SMCHD1: variants seen among roughly 807,000 people sequenced by gnomAD.
SMCHD1 encodes structural maintenance of chromosomes flexible hinge domain-containing protein 1.
A neutral mutation model predicts 254.7 loss-of-function variants in SMCHD1; 78 were observed. The observed-to-expected ratio is 0.31, with a 90% CI of 0.26 to 0.37. The LOEUF is 0.37. Among genes scored for constraint, SMCHD1 ranks in the 10% least tolerant of loss-of-function variants. SMCHD1 has a pLI of 1.00. For missense variants in SMCHD1, 1,840 were observed against 2,408.1 expected, an observed-to-expected ratio of 0.76 and a Z score of 4.94; for synonymous variants, 766 against 794.9, an observed-to-expected ratio of 0.96 and a Z score of 0.61.
chr18:2,662,693 G>A lies in SMCHD1; in HGVS notation c.187-3464G>A, dbSNP rs62084177. 4.2e-3 allele frequency among the ~76,000 whole-genome samples: 575 copies of A among 135,598 alleles called. 3 individuals carry two copies. Among genetic ancestry groups the A allele is most frequent in the African/African-American group, 0.016 (544 of 33,638 alleles). 89.0% of individuals were successfully genotyped at this position (135,598 alleles called of 152,430 possible). ...AAAAAAAAAAAAAAAAAAAAAAAGG[G>A]ACATCATAGAAATAAAAAAGTAGTA... On this transcript the variant is annotated intron_variant, in intron 1 of 47. Coordinates refer to ENST00000320876, the MANE Select transcript of SMCHD1 (RefSeq NM_015295.3).
At chr18:2,743,556 A>G (rs1298974497) in intron 28 of SMCHD1, among the ~76,000 whole-genome samples, 3 of 152,174 alleles carry the variant, frequency 2.0e-5, no homozygotes, top group Non-Finnish European at 4.4e-5. Context: ...TAGATCCCCT[A>G]CCCCTTGAAA....
At chr18:2,719,935 A>G (rs924581583) in intron 19 of SMCHD1, among the ~76,000 whole-genome samples, 28 of 152,206 alleles carry the variant, frequency 1.8e-4, no homozygotes, top group African/African-American at 6.5e-4. Context: ...TCGGCCTCCC[A>G]AAGTGCTGGG....
At chr18:2,798,099 T>G (rs1289490791) in intron 47 of SMCHD1, among the ~76,000 whole-genome samples, 1 of 152,060 alleles carries the variant, frequency 6.6e-6, no homozygotes, top group Non-Finnish European at 1.5e-5. Context: ...TCTAAGAAAA[T>G]AACAGGTGTG....
intron 13 of SMCHD1, among the ~76,000 whole-genome samples, chr18:2,704,245 AT>A (rs1568184782): frequency 6.6e-6 from 1 of 152,192 alleles, no homozygotes; most frequent in African/African-American, 2.4e-5. Context: ...TTATTATAGC[AT>A]TAAAAAAACT....
At chr18:2,722,274 C>CA (rs1386911188) in intron 19 of SMCHD1, among the ~76,000 whole-genome samples, 1 of 152,090 alleles carries the variant, frequency 6.6e-6, no homozygotes, top group African/African-American at 2.4e-5. Flanking sequence ...CCTGCCGCTA[C>CA]AAAAAATACA....
intron 5 of SMCHD1, among the ~76,000 whole-genome samples, chr18:2,675,735 A>C (rs560966204): frequency 6.6e-6 from 1 of 152,346 alleles, no homozygotes; most frequent in South Asian, 2.1e-4. Flanking sequence ...ATGGTAGATT[A>C]GGCAAAATGG....
At chr18:2,793,507 CA>C (rs981311102) in intron 45 of SMCHD1, among the ~76,000 whole-genome samples, 1 of 151,150 alleles carries the variant, frequency 6.6e-6, no homozygotes. Flanking sequence ...ACTAAAAATA[CA>C]AAAAAAATCA....
At chr18:2,752,379 A>C in intron 33 of SMCHD1, 109 bp from the exon 34 acceptor site, 1 of 711,770 alleles carries the variant, frequency 1.4e-6, no homozygotes, top group East Asian at 2.6e-5. Flanking sequence ...TTATAAATGG[A>C]ATCCAGATAC....
At chr18:2,754,934 A>G (rs190000380) in intron 34 of SMCHD1, among the ~76,000 whole-genome samples, 10 of 152,084 alleles carry the variant, frequency 6.6e-5, no homozygotes. Flanking sequence ...TCCATCGTAA[A>G]TGATATCTCC....
chr18:2,714,543 C>G (rs1305880685), intron 17 of SMCHD1, among the ~76,000 whole-genome samples: 2 of 151,686 alleles, frequency 1.3e-5, no homozygotes, highest in African/African-American at 4.8e-5. Context: ...TAGATCCTTT[C>G]TTTTTTTCCC....
chr18:2,707,523 A>G, intron 15 of SMCHD1, 40 bp from the exon 16 acceptor site: 1 of 1,241,270 alleles, frequency 8.1e-7, no homozygotes, highest in Non-Finnish European at 1.2e-6. Flanking sequence ...ATCATAATTA[A>G]CAAAGTTTGT....
At chr18:2,759,571 C>CTCTTTTT (rs1204847128) in intron 34 of SMCHD1, among the ~76,000 whole-genome samples, 2 of 69,518 alleles carry the variant, frequency 2.9e-5, no homozygotes, top group East Asian at 1.2e-3. Flanking sequence ...TTAATTCTCT[C>CTCTTTTT]TTTTTTTTTT....
Position 2,766,279 on chromosome 18 carries a change from C to T in SMCHD1, c.4719+2490C>T, listed in dbSNP as rs1341484381. On this transcript the variant is annotated intron_variant, in intron 37 of 47. Transcript: ENST00000320876. ...AAGTGCTGGGATTACAGGCGTGAGC[C>T]GCCGTGCCCGGCCTGTCTCCAGTTT... Among the ~76,000 whole-genome samples the T allele has an allele frequency of 3.3e-5, 5 of 152,346 alleles. No homozygotes were observed. The East Asian group carries it at 7.7e-4, about 24-fold the overall frequency.
chr18:2,802,552 A>T lies in SMCHD1; in HGVS notation c.6018A>T (p.Ter2006CysextTer12). ...QNRIITKTDV[*>C] The stretch of plus-strand genomic sequence containing the variant: ...GGATTATAACCAAAACAGATGTATG[A>T]GAGGTGACAGAGAGAAGAGGCCATT... The change falls in exon 48 of 48, where the codon TGA (stop) becomes TGT (cysteine). Residue 2006 changes from the stop codon to cysteine (C), a stop_lost. Transcript: ENST00000320876. The T allele has an allele frequency of 1.3e-6, 2 of 1,552,674 alleles. No homozygotes were observed. The highest frequency in any genetic ancestry group is 4.8e-5 in the East Asian group (2 of 41,320).
chr18:2,708,869 T>TAC (rs2074585041), intron 17 of SMCHD1, among the ~76,000 whole-genome samples: 3 of 14,412 alleles, frequency 2.1e-4, no homozygotes, highest in African/African-American at 4.7e-4. Context: ...AATAACTTCA[T>TAC]ATATATATAT....
chr18:2,661,884 C>T (rs890760637), intron 1 of SMCHD1, among the ~76,000 whole-genome samples: 6 of 151,948 alleles, frequency 3.9e-5, no homozygotes, highest in Non-Finnish European at 5.9e-5. Context: ...AGGCCGGGCG[C>T]GGTGGCTCAC....
At chr18:2,798,935 A>G (rs780396997) in intron 47 of SMCHD1, among the ~76,000 whole-genome samples, 4 of 152,212 alleles carry the variant, frequency 2.6e-5, no homozygotes, top group Non-Finnish European at 4.4e-5. Flanking sequence ...TAGACCTTCC[A>G]GTTACTACAG....
rs2075600449 is a variant in SMCHD1, at chr18:2,752,825, C to T, written c.4346+273C>T. The T allele has an allele frequency of 5.0e-5, 15 of 300,878 alleles. No homozygotes were observed. The South Asian group carries it at 5.8e-4, about 12-fold the overall frequency. 18.6% of individuals were successfully genotyped at this position (300,878 alleles called of 1,614,324 possible). ...TTTATGTTGTCAGGGCACTTTATAA[C>T]TTCTTATTATATAGGAGGTTTCTAT... On this transcript the variant is annotated intron_variant, in intron 34 of 47. Transcript: ENST00000320876.
In SMCHD1 at chr18:2,705,684, T is replaced by A; in HGVS notation, c.1843-10T>A. On this transcript the variant is annotated splice_polypyrimidine_tract_variant and intron_variant, in intron 13 of 47. Coordinates refer to ENST00000320876, the MANE Select transcript of SMCHD1 (RefSeq NM_015295.3). ...TGAAGCTTTTTTTTTTTTTAAAAAC[T>A]AAATATTAGGTCAAGACAATCAAGA... 1 of 1,327,760 alleles carries A rather than the reference T, an allele frequency of 7.5e-7. No homozygotes were observed. The highest frequency in any genetic ancestry group is 1.0e-6 in the Non-Finnish European group (1 of 961,738). The allele number at this position is 1,327,760 out of a possible 1,614,324, so 82.2% of individuals were successfully genotyped here.
Sources: allele counts gnomAD v4.1 joint callset (sites outside exome capture counted in the v4.1 genomes callset), GRCh38; gene constraint gnomAD v4.1.1; transcripts MANE v1.5; gene names NCBI Gene and HGNC (gene_info 2026-07-23, HGNC 2026-07-21).